FHOD3: variants seen among roughly 807,000 people sequenced by gnomAD.
The protein encoded by FHOD3 is FH1/FH2 domain-containing protein 3.
In FHOD3, 90 loss-of-function variants were observed where a neutral mutation model predicts 173.0. The ratio of observed to expected loss-of-function variants is 0.52; its 90% CI spans 0.44 to 0.62. FHOD3 has a LOEUF of 0.62. Among genes scored for constraint, FHOD3 ranks in the 20% least tolerant of loss-of-function variants. FHOD3 has a pLI of 0.00. For missense variants in FHOD3, 1,945 were observed against 2,034.7 expected (o/e 0.96, Z 0.85); for synonymous variants, 828 against 823.0 (o/e 1.01, Z -0.10).
intron 3 of FHOD3, among the ~76,000 whole-genome samples, chr18:36,455,540 T>C (rs1318698545): frequency 6.6e-6 from 1 of 151,370 alleles, no homozygotes; most frequent in Non-Finnish European, 1.5e-5. Flanking sequence ...ATTTTCCATT[T>C]AGACAGATGT....
chr18:36,352,594 C>T (rs975943441), intron 1 of FHOD3, among the ~76,000 whole-genome samples: 4 of 152,220 alleles, frequency 2.6e-5, no homozygotes, highest in South Asian at 2.1e-4. Context: ...ACTTGCTCTT[C>T]GTTCTCTCCC....
chr18:36,573,780 C>T (rs1169752561), intron 5 of FHOD3, among the ~76,000 whole-genome samples: 1 of 152,158 alleles, frequency 6.6e-6, no homozygotes, highest in Admixed American at 6.5e-5. Context: ...AGGACCATGA[C>T]AGGTATTTGT....
At chr18:36,391,723 G>C (rs759799655) in intron 3 of FHOD3, among the ~76,000 whole-genome samples, 1 of 152,126 alleles carries the variant, frequency 6.6e-6, no homozygotes, top group African/African-American at 2.4e-5. Context: ...GTTGGTCATC[G>C]TGTGCACACC....
chr18:36,365,616 A>G (rs116405552), intron 2 of FHOD3, among the ~76,000 whole-genome samples: 2 of 152,214 alleles, frequency 1.3e-5, no homozygotes, highest in African/African-American at 4.8e-5. Context: ...GTATAACTCT[A>G]TGAAGATACT....
intron 14 of FHOD3, among the ~76,000 whole-genome samples, chr18:36,677,604 A>G (rs530742397): frequency 6.6e-6 from 1 of 152,268 alleles, no homozygotes; most frequent in South Asian, 2.1e-4. Context: ...CCATTCGTCC[A>G]TGTTTTCATT....
chr18:36,602,288 CTTTTCTTCTGT>C (rs1224128382), intron 7 of FHOD3, among the ~76,000 whole-genome samples: 1 of 152,180 alleles, frequency 6.6e-6, no homozygotes, highest in Non-Finnish European at 1.5e-5. Context: ...TCCACATCCC[CTTTTCTTCTGT>C]GCTGATGGAT....
At chr18:36,321,881 G>T (rs920683356) in intron 1 of FHOD3, among the ~76,000 whole-genome samples, 1 of 152,226 alleles carries the variant, frequency 6.6e-6, no homozygotes, top group Non-Finnish European at 1.5e-5. Flanking sequence ...TGAGGAGGGC[G>T]TGGGGCTGCA....
chr18:36,374,652 G>C (rs951190673), intron 3 of FHOD3, among the ~76,000 whole-genome samples: 22 of 152,276 alleles, frequency 1.4e-4, no homozygotes, highest in Admixed American at 7.8e-4. Context: ...CTTCAGCTCC[G>C]CTGGACTTCA....
intron 15 of FHOD3, among the ~76,000 whole-genome samples, chr18:36,685,218 T>C (rs1175021660): frequency 6.6e-6 from 1 of 152,194 alleles, no homozygotes; most frequent in Non-Finnish European, 1.5e-5. Context: ...AACCATTTGC[T>C]CTTGATTTCA....
At chr18:36,560,088 A>G (rs750946773) in intron 5 of FHOD3, among the ~76,000 whole-genome samples, 57 of 152,210 alleles carry the variant, frequency 3.7e-4, no homozygotes, top group Admixed American at 4.6e-4. Flanking sequence ...TTGGGCACCC[A>G]GAGTGAGTGA....
chr18:36,692,896 A>G (rs947288598), intron 16 of FHOD3: 2 of 342,982 alleles, frequency 5.8e-6, no homozygotes, highest in Non-Finnish European at 1.1e-5. Context: ...GGTGGTGGTT[A>G]TTGCTGTTTT....
At chr18:36,771,087 C>A (rs1004681604) in intron 28 of FHOD3, among the ~76,000 whole-genome samples, 31 of 152,134 alleles carry the variant, frequency 2.0e-4, no homozygotes, top group African/African-American at 6.5e-4. Flanking sequence ...TCTCCTGGTG[C>A]ACTTGTGAAA....
At chr18:36,477,540 CACCCACCTACCTACCTACCTACCTACCT>C (rs1214339858) in intron 3 of FHOD3, among the ~76,000 whole-genome samples, 12 of 108,526 alleles carry the variant, frequency 1.1e-4, no homozygotes, top group African/African-American at 2.7e-4. Context: ...CCCACCCACC[CACCCACCTACCTACCTACCTACCTACCT>C]ACCTACCTAC....
At chr18:36,473,949 C>T (rs1309006019) in intron 3 of FHOD3, among the ~76,000 whole-genome samples, 1 of 152,252 alleles carries the variant, frequency 6.6e-6, no homozygotes, top group East Asian at 1.9e-4. Flanking sequence ...TTTGGGGAAA[C>T]ATATCTGATC....
chr18:36,474,044 C>A (rs1024436473), intron 3 of FHOD3, among the ~76,000 whole-genome samples: 2 of 152,210 alleles, frequency 1.3e-5, no homozygotes, highest in Non-Finnish European at 2.9e-5. Flanking sequence ...GTAGTTGATT[C>A]TTTTACTCCT....
At chr18:36,657,202 G>T (rs1003502094) in intron 13 of FHOD3, among the ~76,000 whole-genome samples, 3 of 152,164 alleles carry the variant, frequency 2.0e-5, no homozygotes, top group African/African-American at 7.2e-5. Context: ...AACCAGTTCG[G>T]TGGACGGGGT....
At chr18:36,652,491 T>C in intron 11 of FHOD3, 79 bp from the exon 12 acceptor site, 1 of 1,438,836 alleles carries the variant, frequency 7.0e-7, no homozygotes, top group Admixed American at 2.6e-5. Flanking sequence ...TTTTTGCCTG[T>C]CTCTCTTTTT....
chr18:36,395,481 G>A (rs910938786), intron 3 of FHOD3, among the ~76,000 whole-genome samples: 15 of 152,138 alleles, frequency 9.9e-5, no homozygotes, highest in African/African-American at 2.9e-4. Context: ...TTGTGTGTCT[G>A]AAACTCATTC....
At chr18:36,303,412 G>A (rs2092006928) in intron 1 of FHOD3, among the ~76,000 whole-genome samples, 1 of 152,192 alleles carries the variant, frequency 6.6e-6, no homozygotes, top group South Asian at 2.1e-4. Context: ...TCACAGTGCT[G>A]TGATTTAAGT....
Sources: allele counts gnomAD v4.1 joint callset (sites outside exome capture counted in the v4.1 genomes callset), GRCh38; gene constraint gnomAD v4.1.1; transcripts MANE v1.5; gene names NCBI Gene and HGNC (gene_info 2026-07-23, HGNC 2026-07-21).